AMIGO2: variants seen among roughly 807,000 people sequenced by gnomAD.
AMIGO2 encodes the protein amphoterin-induced protein 2.
A neutral mutation model predicts 23.7 loss-of-function variants in AMIGO2; 15 were observed. The ratio of observed to expected loss-of-function variants is 0.63; its 90% CI spans 0.42 to 0.98. AMIGO2 has a LOEUF of 0.98. AMIGO2 is among the 50% of genes least tolerant of loss of function. AMIGO2 has a pLI of 0.00. For synonymous variants in AMIGO2, 264 were observed against 252.3 expected, an observed-to-expected ratio of 1.05 and a Z score of -0.44; for missense variants, 561 against 633.1, an observed-to-expected ratio of 0.89 and a Z score of 1.22.
In AMIGO2 at chr12:47,077,272, G is replaced by T; in HGVS notation, c.*162C>A. The T allele has an allele frequency of 9.9e-7, 1 of 1,014,668 alleles. No individual in the cohort carries two copies. The highest frequency in any genetic ancestry group is 1.4e-6 in the Non-Finnish European group (1 of 723,926). 62.9% of individuals were successfully genotyped at this position (1,014,668 alleles called of 1,614,324 possible). The stretch of plus-strand genomic sequence containing the variant: ...TCTTTCTATGGCACATTGAGGAACT[G>T]AAGTACTTTACCTCATTTCCTACCA... On this transcript the variant is annotated 3_prime_UTR_variant, in exon 3 of 3. Transcript: ENST00000550413.
rs1941921310 is a variant in AMIGO2 at position 47,079,556 on chromosome 12, C to T, written c.-265G>A. 1 of 152,550 alleles carries T rather than the reference C, an allele frequency of 6.6e-6. No individual in the cohort carries two copies. The highest frequency in any genetic ancestry group is 1.5e-5 in the Non-Finnish European group (1 of 68,360). 9.4% of individuals were successfully genotyped at this position (152,550 alleles called of 1,614,324 possible). A position where few individuals can be genotyped will look rare whatever the true frequency, so the allele number is the denominator to read the frequency against. ...TCTGTCCGTGTCTGTCACTCTTGCA[C>T]CTTCCGACTTCCTTTCCCTCCGGCT... is the stretch of plus-strand genomic sequence containing the variant. On this transcript the variant is annotated 5_prime_UTR_variant, in exon 1 of 3. In the 5' UTR this introduces an upstream ATG that the reference lacks. Coordinates refer to ENST00000550413, the MANE Select transcript of AMIGO2 (RefSeq NM_001370299.1).
chr12:47,078,118 G>A lies in AMIGO2; in HGVS notation c.885C>T (p.Gly295=). The change falls in exon 3 of 3, where the codon GGC becomes GGT. Residue 295 remains glycine, a synonymous_variant. Transcript: ENST00000550413. ...CCCCGACCTGAGCCTCATGAATAAA[G>A]CCAAGCGCACGAAAGGAACCATTGA... is the stretch of plus-strand genomic sequence containing the variant. The part of the protein sequence containing the change: ...SIINGSFRAL[G]FIHEAQVGER... The A allele has an allele frequency of 1.2e-6, 2 of 1,614,184 alleles. No individual in the cohort carries two copies. The highest frequency in any genetic ancestry group is 1.7e-6 in the Non-Finnish European group (2 of 1,180,048).
downstream of AMIGO2, chr12:47,075,888 C>A (rs1941849912): frequency 1.3e-5 from 2 of 152,176 alleles, no homozygotes; most frequent in Non-Finnish European, 2.9e-5. Context: ...GGAGTCATTT[C>A]TTTGGACCTC....
chr12:47,078,321 T>C lies in AMIGO2; in HGVS notation c.682A>G (p.Asn228Asp). ...KQLRGIYLHG[N>D]PFVCDCSLYS... Reference sequence around the variant, plus strand: ...AGGGAACAGTCACAGACAAATGGGTTTCCATGAAGGTAGATGCCTCTCAGC... The same window carrying C: ...AGGGAACAGTCACAGACAAATGGGTCTCCATGAAGGTAGATGCCTCTCAGC... Residue 228 changes from asparagine (N) to aspartate (D), a missense_variant, in exon 3 of 3, where the codon AAC becomes GAC. Coordinates refer to ENST00000550413, the MANE Select transcript of AMIGO2 (RefSeq NM_001370299.1). 6.2e-7 allele frequency: 1 copy of C among 1,613,946 alleles called. No homozygotes were observed. The highest frequency in any genetic ancestry group is 8.5e-7 in the Non-Finnish European group (1 of 1,180,032).
At position 47,077,568 on chromosome 12, in the gene AMIGO2, G is replaced by T. The variant is rs551312914; in HGVS notation, c.1435C>A (p.Gln479Lys). The change falls in exon 3 of 3, where the codon CAG becomes AAG. Residue 479 changes from glutamine (Q) to lysine (K), a missense_variant. Gln to Lys is a moderately conservative substitution (Grantham distance 53). Transcript: ENST00000550413. ...LEPLKDTAAG[Q>K]NGKVRLFPSE... ...GGAAAGAGCCTGACTTTCCCGTTCT[G>T]CCCTGCTGCAGTATCCTTCAGGGGT... The T allele has an allele frequency of 6.2e-7, 1 of 1,614,078 alleles. No individual in the cohort carries two copies. The highest frequency in any genetic ancestry group is 8.5e-7 in the Non-Finnish European group (1 of 1,180,044).
rs749370909 is a variant in AMIGO2, at chr12:47,078,992, C to T, written c.11G>A (p.Arg4His). The change falls in exon 3 of 3, where the codon CGT becomes CAT. Residue 4 changes from arginine (R) to histidine (H), a missense_variant. Transcript: ENST00000550413. ...AAGCAGGGTGGGCAGAGTGTGTACA[C>T]GTAACGACATTATGGTCGCCTCTGA... MSL[R>H]VHTLPTLLGA... 1.8e-5 allele frequency: 29 copies of T among 1,595,388 alleles called. No homozygotes were observed. The South Asian group carries it at 3.0e-4, about 17-fold the overall frequency.
rs1327815278 is a variant in AMIGO2 at position 47,078,022 on chromosome 12, A to T, written c.981T>A (p.Asp327Glu). ...ANTDFIWVGPDNRLLEPDKEM... is the reference protein window; with the variant it reads ...ANTDFIWVGPENRLLEPDKEM... ...CTTTATCCGGCTCTAGCAGTCTGTT[A>T]TCTGGACCCACCCAGATGAAATCCG... Residue 327 changes from aspartate to glutamate, a missense_variant, in exon 3 of 3, where the codon GAT becomes GAA. Coordinates refer to ENST00000550413, the MANE Select transcript of AMIGO2 (RefSeq NM_001370299.1). 1 of 1,614,066 alleles carries T rather than the reference A, an allele frequency of 6.2e-7. No homozygotes were observed. Among genetic ancestry groups the T allele is most frequent in the Non-Finnish European group, 8.5e-7 (1 of 1,180,044 alleles).
At position 47,077,764 on chromosome 12, in the gene AMIGO2, T is replaced by C. The variant is rs768808222; in HGVS notation, c.1239A>G (p.Val413=). ...ATGGAGTCAGATAGAGGTACAAAAG[T>C]ACCAAAACGATACTGGCCACGCAAG... is the stretch of plus-strand genomic sequence containing the variant. The part of the protein sequence containing the change: ...LAACVASIVL[V]LLYLYLTPCP... Residue 413 remains valine (V), a synonymous_variant, in exon 3 of 3, where the codon GTA becomes GTG. Transcript: ENST00000550413. The C allele has an allele frequency of 6.2e-7, 1 of 1,614,150 alleles. No individual in the cohort carries two copies. The highest frequency in any genetic ancestry group is 8.5e-7 in the Non-Finnish European group (1 of 1,180,014).
rs768911882 is a variant in AMIGO2 at position 47,077,871 on chromosome 12, C to T, written c.1132G>A (p.Val378Ile). ...KQRLLNETVD[V>I]TINVSNFTVS... ...GTGAAATTGCTCACATTTATTGTGA[C>T]GTCCACAGTTTCATTTAACAGGCGT... The change falls in exon 3 of 3, where the codon GTC becomes ATC. Residue 378 changes from valine (V) to isoleucine (I), a missense_variant. Physicochemically the swap from Val to Ile is conservative, Grantham distance 29 (BLOSUM62 3). Transcript: ENST00000550413. 1.2e-6 allele frequency: 2 copies of T among 1,614,144 alleles called. No individual in the cohort carries two copies. Among genetic ancestry groups the T allele is most frequent in the East Asian group, 4.5e-5 (2 of 44,886 alleles).
rs763096377 is a variant in AMIGO2 at position 47,077,640 on chromosome 12, C to T, written c.1363G>A (p.Ala455Thr). ...CCTGCACCTGCCTTCCGTTCATCAGCGGAGGCATCACTAGCGGGGCCAGGA... is the reference window on the plus strand; with the variant it reads ...CCTGCACCTGCCTTCCGTTCATCAGTGGAGGCATCACTAGCGGGGCCAGGA... Reference protein sequence around the residue: ...LSPGPASDASADERKAGAGKR... With the variant: ...LSPGPASDASTDERKAGAGKR... The change falls in exon 3 of 3, where the codon GCT becomes ACT. Residue 455 changes from alanine to threonine, a missense_variant. Coordinates refer to ENST00000550413, the MANE Select transcript of AMIGO2 (RefSeq NM_001370299.1). 4 of 1,614,212 alleles carry T rather than the reference C, an allele frequency of 2.5e-6. No homozygotes were observed. Among genetic ancestry groups the T allele is most frequent in the Admixed American group, 3.3e-5 (2 of 60,034 alleles).
chr12:47,077,740 T>C lies in AMIGO2; in HGVS notation c.1263A>G (p.Pro421=), dbSNP rs1336248083. 1 of 1,614,184 alleles carries C rather than the reference T, an allele frequency of 6.2e-7. No individual in the cohort carries two copies. The highest frequency in any genetic ancestry group is 2.2e-5 in the East Asian group (1 of 44,886). Residue 421 remains proline, a synonymous_variant, in exon 3 of 3, where the codon CCA becomes CCG. Transcript: ENST00000550413. ...TCTTGGTTTTACACTTGCAGGGGCA[T>C]GGAGTCAGATAGAGGTACAAAAGTA... ...VLVLLYLYLT[P]CPCKCKTKRQ... is the part of the protein sequence containing the mutation.
chr12:47,079,267 A>C lies in AMIGO2; in HGVS notation c.-170-19T>G. On this transcript the variant is annotated intron_variant, in intron 1 of 2. Coordinates refer to ENST00000550413, the MANE Select transcript of AMIGO2 (RefSeq NM_001370299.1). The stretch of plus-strand genomic sequence containing the variant: ...GTTAGTCCTGCTTATAAAAATGTAC[A>C]GTCACATTCTCTCCATACAACCCAC... The C allele has an allele frequency of 2.5e-6, 1 of 399,880 alleles. No homozygotes were observed. Among genetic ancestry groups the C allele is most frequent in the African/African-American group, 2.0e-5 (1 of 49,016 alleles). The allele number at this position is 399,880 out of a possible 1,614,324, so 24.8% of individuals were successfully genotyped here.
At chr12:47,076,261 A>C (rs1360639357), downstream of AMIGO2, 1 of 152,196 alleles carries the variant, frequency 6.6e-6, no homozygotes, top group East Asian at 1.9e-4. Context: ...TGATTGCCTC[A>C]AAGCAGAGAC....
Position 47,078,511 on chromosome 12 carries a change from G to A in AMIGO2, c.492C>T (p.Leu164=), listed in dbSNP as rs557913518. The part of the protein sequence containing the change: ...SYLDPSAFGG[L]SQLQKLYLSG... ...TTAAGTAGAGTTTCTGCAACTGGGA[G>A]AGCCCTCCAAACGCTGAAGGATCGA... The change falls in exon 3 of 3, where the codon CTC becomes CTT. Residue 164 remains leucine (L), a synonymous_variant. Coordinates refer to ENST00000550413, the MANE Select transcript of AMIGO2 (RefSeq NM_001370299.1). The A allele has an allele frequency of 7.6e-5, 122 of 1,614,220 alleles. 1 individual carries two copies. The South Asian group carries it at 1.3e-3, about 17-fold the overall frequency.
At position 47,077,672 on chromosome 12, in the gene AMIGO2, A is replaced by G; in HGVS notation, c.1331T>C (p.Ile444Thr). 6.2e-7 allele frequency: 1 copy of G among 1,614,220 alleles called. No homozygotes were observed. The highest frequency in any genetic ancestry group is 8.5e-7 in the Non-Finnish European group (1 of 1,180,038). Residue 444 changes from isoleucine to threonine, a missense_variant, in exon 3 of 3, where the codon ATT becomes ACT. By Grantham distance (89) the Ile-to-Thr change is moderately conservative (BLOSUM62 -1). Coordinates refer to ENST00000550413, the MANE Select transcript of AMIGO2 (RefSeq NM_001370299.1). ...ATCACTAGCGGGGCCAGGACTGAGA[A>G]TCGATGAATGGGCATTGCTTTGGTG... The part of the protein sequence containing the change: ...MLHQSNAHSS[I>T]LSPGPASDAS...
In AMIGO2 at chr12:47,078,787, T is replaced by C. The variant is rs1432860269; in HGVS notation, c.216A>G (p.Arg72=). ...CAATTCTGTTATAACTCAGGTCCAGTCTCTTAATCAGTCTGAAAAGGTTCC... is the reference window on the plus strand; with the variant it reads ...CAATTCTGTTATAACTCAGGTCCAGCCTCTTAATCAGTCTGAAAAGGTTCC... ...VPGNLFRLIK[R]LDLSYNRIGL... is the part of the protein sequence containing the mutation. Residue 72 remains arginine, a synonymous_variant, in exon 3 of 3, where the codon AGA becomes AGG. Coordinates refer to ENST00000550413, the MANE Select transcript of AMIGO2 (RefSeq NM_001370299.1). 6.2e-7 allele frequency: 1 copy of C among 1,614,180 alleles called. No individual in the cohort carries two copies. Among genetic ancestry groups the C allele is most frequent in the Admixed American group, 1.7e-5 (1 of 60,032 alleles).
Position 47,078,906 on chromosome 12 carries a change from C to G in AMIGO2, c.97G>C (p.Val33Leu), listed in dbSNP as rs938044641. The change falls in exon 3 of 3, where the codon GTG becomes CTG. Residue 33 changes from valine to leucine, a missense_variant. Coordinates refer to ENST00000550413, the MANE Select transcript of AMIGO2 (RefSeq NM_001370299.1). ...CACACCCCAGAGGCACCAGGGCCCA[C>G]AGTCACTGTGATCATCAGCAAACAC... The part of the protein sequence containing the change: ...LLCLLMITVT[V>L]GPGASGVCPT... 3 of 1,614,220 alleles carry G rather than the reference C, an allele frequency of 1.9e-6. No individual in the cohort carries two copies. Among genetic ancestry groups the G allele is most frequent in the Non-Finnish European group, 2.5e-6 (3 of 1,180,052 alleles).
rs1941940903 is a variant in AMIGO2, at chr12:47,079,918, C to T, written c.-627G>A. On this transcript the variant is annotated 5_prime_UTR_variant, in exon 1 of 3. Transcript: ENST00000550413. ...GACGGGCTGGGGCGCCGGTCCCACC[C>T]CTGCGCGTCCTGCCTCCTGCGGGCA... The T allele has an allele frequency of 6.6e-6, 1 of 151,462 alleles. No individual in the cohort carries two copies. The highest frequency in any genetic ancestry group is 2.1e-4 in the South Asian group (1 of 4,826). The allele number at this position is 151,462 out of a possible 1,614,324, so 9.4% of individuals were successfully genotyped here.
chr12:47,077,346 T>C lies in AMIGO2; in HGVS notation c.*88A>G. On this transcript the variant is annotated 3_prime_UTR_variant, in exon 3 of 3. Coordinates refer to ENST00000550413, the MANE Select transcript of AMIGO2 (RefSeq NM_001370299.1). ...TATTTCAAAGAACAAAACAACACAA[T>C]TTCTGTCCTGCTGTTTATTTTGCAG... 6.8e-7 allele frequency: 1 copy of C among 1,478,434 alleles called. No individual in the cohort carries two copies. Among genetic ancestry groups the C allele is most frequent in the South Asian group, 1.4e-5 (1 of 72,076 alleles). 91.6% of individuals were successfully genotyped at this position (1,478,434 alleles called of 1,614,324 possible). A position where few individuals can be genotyped will look rare whatever the true frequency, so the allele number is the denominator to read the frequency against.
Sources: allele counts gnomAD v4.1 joint callset, GRCh38; gene constraint gnomAD v4.1.1; transcripts MANE v1.5; gene names NCBI Gene and HGNC (gene_info 2026-07-23, HGNC 2026-07-21).